Variants in AMBRA1 observed in about 807,000 individuals in gnomAD.
AMBRA1 encodes autophagy and beclin 1 regulator 1, also known as activating molecule in BECN1-regulated autophagy protein 1.
Under a neutral mutation model 125.4 loss-of-function variants are expected in AMBRA1, and 47 were observed. The ratio of observed to expected loss-of-function variants is 0.37; its 90% CI spans 0.30 to 0.48. AMBRA1 has a LOEUF of 0.48. AMBRA1 is among the 20% of genes least tolerant of loss of function. The probability of loss-of-function intolerance (pLI) is 0.99; values close to 1 mark genes in which losing one functional copy is unlikely to be tolerated. For missense variants in AMBRA1, 1,331 were observed against 1,693.4 expected, an observed-to-expected ratio of 0.79 and a Z score of 3.76; for synonymous variants, 626 against 655.5, an observed-to-expected ratio of 0.95 and a Z score of 0.69.
Position 46,542,609 on chromosome 11 carries a change from T to C in AMBRA1, c.1408A>G (p.Arg470Gly). The change falls in exon 7 of 18, where the codon AGG (arginine) becomes GGG (glycine). Residue 470 changes from arginine (R) to glycine (G), a missense_variant. By Grantham distance (125) the Arg-to-Gly change is moderately radical. Transcript: ENST00000683756. This position sits in a 1 kb window ranked among gnomAD's most constrained non-coding sequence, Gnocchi z 5.9. Reference sequence around the variant, plus strand: ...GCCAACCCTGATGCCGGAAAACCCCTCCCTTCTGTGGCTGAAGTGTACACA... The same window carrying C: ...GCCAACCCTGATGCCGGAAAACCCCCCCCTTCTGTGGCTGAAGTGTACACA... ...ASVYTSATEG[R>G]GFPASGLATE... 1 of 1,613,986 alleles carries C rather than the reference T, an allele frequency of 6.2e-7. No individual in the cohort carries two copies. The highest frequency in any genetic ancestry group is 8.5e-7 in the Non-Finnish European group (1 of 1,180,008).
chr11:46,554,289 A>G (rs2043102517), intron 1 of AMBRA1, among the ~76,000 whole-genome samples: 1 of 152,188 alleles, frequency 6.6e-6, no homozygotes, highest in African/African-American at 2.4e-5. Flanking sequence ...AAATAAAAAA[A>G]ACCGACCTTC....
intron 17 of AMBRA1, among the ~76,000 whole-genome samples, chr11:46,400,114 G>C (rs1385405283): frequency 6.6e-6 from 1 of 152,120 alleles, no homozygotes; most frequent in Non-Finnish European, 1.5e-5. Flanking sequence ...TTTCTGCTCA[G>C]CTCTTGGTAG....
At chr11:46,488,634 C>T (rs892284366) in intron 11 of AMBRA1, among the ~76,000 whole-genome samples, 14 of 152,118 alleles carry the variant, frequency 9.2e-5, no homozygotes, top group African/African-American at 3.4e-4. Context: ...GGACACTCCA[C>T]TAAATAACTG....
At chr11:46,455,750 G>A (rs1590853420) in intron 11 of AMBRA1, among the ~76,000 whole-genome samples, 1 of 152,140 alleles carries the variant, frequency 6.6e-6, no homozygotes, top group Non-Finnish European at 1.5e-5. Context: ...TGCCTTGAAC[G>A]CACCAGTGCC....
At chr11:46,485,184 C>T (rs546968113) in intron 11 of AMBRA1, among the ~76,000 whole-genome samples, 29 of 152,174 alleles carry the variant, frequency 1.9e-4, no homozygotes, top group African/African-American at 6.0e-4. Context: ...GTGATCCGCC[C>T]GCCTTGGCCT....
intron 11 of AMBRA1, among the ~76,000 whole-genome samples, chr11:46,459,776 C>A (rs1949019630): frequency 7.3e-6 from 1 of 137,236 alleles, no homozygotes; most frequent in Non-Finnish European, 1.6e-5. Flanking sequence ...ACACACACAC[C>A]CTGGAATACC....
chr11:46,486,908 CATAAATAAATAAATAAATAA>C (rs56834227), intron 11 of AMBRA1, among the ~76,000 whole-genome samples: 16 of 139,252 alleles, frequency 1.1e-4, no homozygotes, highest in African/African-American at 2.7e-4. Flanking sequence ...TCCATCTCAA[CATAAATAAATAAATAAATAA>C]ATAAATAAAT....
rs1238177493 is a variant in AMBRA1, at chr11:46,508,315, C to T, written c.2215G>A (p.Asp739Asn). Residue 739 changes from aspartate (D) to asparagine (N), a missense_variant, in exon 9 of 18, where the codon GAC becomes AAC. By Grantham distance (23) the Asp-to-Asn change is conservative (BLOSUM62 1). Coordinates refer to ENST00000683756, the MANE Select transcript of AMBRA1 (RefSeq NM_001387011.1). Reference sequence around the variant, plus strand: ...CGCATGGAGCGCTGGCGAATACTGTCTCTCCGTGAGAGATACTGGATCATC... The same window carrying T: ...CGCATGGAGCGCTGGCGAATACTGTTTCTCCGTGAGAGATACTGGATCATC... Reference protein sequence around the residue: ...QRMIQYLSRRDSIRQRSMRYQ... With the variant: ...QRMIQYLSRRNSIRQRSMRYQ... The T allele has an allele frequency of 2.0e-5, 33 of 1,614,084 alleles. No individual in the cohort carries two copies. Among genetic ancestry groups the T allele is most frequent in the Non-Finnish European group, 2.8e-5 (33 of 1,180,042 alleles).
intron 7 of AMBRA1, among the ~76,000 whole-genome samples, chr11:46,520,297 CAT>C (rs1591017432): frequency 6.6e-6 from 1 of 152,112 alleles, no homozygotes; most frequent in East Asian, 1.9e-4. Flanking sequence ...AGCCTCATTA[CAT>C]GTCATGGAGC....
At chr11:46,521,781 T>G (rs1423049602) in intron 7 of AMBRA1, among the ~76,000 whole-genome samples, 1 of 152,210 alleles carries the variant, frequency 6.6e-6, no homozygotes, top group Non-Finnish European at 1.5e-5. Context: ...CAGCAGAGAC[T>G]GGCAGGCAAT....
chr11:46,513,195 T>C (rs1403394503), intron 7 of AMBRA1, among the ~76,000 whole-genome samples: 2 of 151,650 alleles, frequency 1.3e-5, no homozygotes, highest in South Asian at 4.2e-4. Flanking sequence ...ATCTTGTTGT[T>C]TGGTTCCTCC....
At chr11:46,459,739 TACACACAC>T (rs56374939) in intron 11 of AMBRA1, among the ~76,000 whole-genome samples, 6,878 of 110,290 alleles carry the variant, frequency 0.062, 541 homozygotes, top group African/African-American at 0.19. Context: ...AAAATACACA[TACACACAC>T]ACACACACAC....
intron 9 of AMBRA1, among the ~76,000 whole-genome samples, chr11:46,496,944 T>G (rs1237878036): frequency 1.3e-5 from 2 of 151,786 alleles, no homozygotes; most frequent in African/African-American, 4.8e-5. Flanking sequence ...AAACCTCATC[T>G]CTACTAAAAA....
At chr11:46,401,490 G>C (rs1945757140) in intron 17 of AMBRA1, among the ~76,000 whole-genome samples, 1 of 152,052 alleles carries the variant, frequency 6.6e-6, no homozygotes, top group Admixed American at 6.6e-5. Flanking sequence ...CCACCCACTT[G>C]GACCTCCCAA....
chr11:46,576,809 T>C (rs887482243), intron 1 of AMBRA1, among the ~76,000 whole-genome samples: 2 of 152,210 alleles, frequency 1.3e-5, no homozygotes, highest in African/African-American at 4.8e-5. Context: ...TGGGTCACCT[T>C]AGACAAAGAA....
At chr11:46,564,781 G>T (rs2043464001) in intron 1 of AMBRA1, among the ~76,000 whole-genome samples, 1 of 152,158 alleles carries the variant, frequency 6.6e-6, no homozygotes, top group Non-Finnish European at 1.5e-5. Context: ...CTCACTGGAG[G>T]TTAACTATTA....
At chr11:46,518,165 C>T (rs1399404943) in intron 7 of AMBRA1, 19 of 948,242 alleles carry the variant, frequency 2.0e-5, no homozygotes, top group Non-Finnish European at 2.3e-5. Context: ...CGCGGTGGCT[C>T]ACGCCTGTAA....
chr11:46,490,995 C>T (rs982379135), intron 11 of AMBRA1: 1 of 152,146 alleles, frequency 6.6e-6, no homozygotes, highest in Non-Finnish European at 1.5e-5. Context: ...TATAGCAGCT[C>T]AATTACATGA....
intron 1 of AMBRA1, among the ~76,000 whole-genome samples, chr11:46,552,887 T>A (rs1054061998): frequency 2.0e-5 from 3 of 148,636 alleles, no homozygotes; most frequent in Non-Finnish European, 4.4e-5. Flanking sequence ...CAAGTTTCTA[T>A]TTTTTTTTCA....
Sources: allele counts gnomAD v4.1 joint callset (sites outside exome capture counted in the v4.1 genomes callset), GRCh38; gene constraint gnomAD v4.1.1; non-coding constraint Gnocchi (gnomAD v3.1); transcripts MANE v1.5; gene names NCBI Gene and HGNC (gene_info 2026-07-23, HGNC 2026-07-21).